PPP1R14C: variants seen among roughly 807,000 people sequenced by gnomAD.
PPP1R14C encodes the protein protein phosphatase 1 regulatory inhibitor subunit 14C, also known as protein phosphatase 1 regulatory subunit 14C.
A neutral mutation model predicts 20.4 loss-of-function variants in PPP1R14C; 16 were observed. That is an observed-to-expected ratio of 0.78 (90% confidence interval 0.53 to 1.19). PPP1R14C has a LOEUF of 1.19. Among genes scored for constraint, PPP1R14C ranks in the 50% most tolerant of loss-of-function variants. The pLI is 0.00. For synonymous variants in PPP1R14C, 91 were observed against 91.0 expected (o/e 1.00, Z 0.00); for missense variants, 211 against 220.1 (o/e 0.96, Z 0.26).
chr6:150,189,207 T>C, intron 1 of PPP1R14C, among the ~76,000 whole-genome samples: 1 of 143,602 alleles, frequency 7.0e-6, no homozygotes, highest in South Asian at 2.2e-4. Context: ...AATTCCTCCT[T>C]CTTGTAAGTT....
chr6:150,249,232 C>A lies in PPP1R14C; in HGVS notation c.*412C>A. On this transcript the variant is annotated 3_prime_UTR_variant, in exon 4 of 4. Transcript: ENST00000361131. ...TAAGTTGTACATTTGACTCAGCTGTCAAATTTCTCACACTTGTATATATCT... is the reference window on the plus strand; with the variant it reads ...TAAGTTGTACATTTGACTCAGCTGTAAAATTTCTCACACTTGTATATATCT... 1 of 398,960 alleles carries A rather than the reference C, an allele frequency of 2.5e-6. No homozygotes were observed. Among genetic ancestry groups the A allele is most frequent in the Admixed American group, 4.4e-5 (1 of 22,872 alleles). 24.7% of individuals were successfully genotyped at this position (398,960 alleles called of 1,614,324 possible).
rs955298209 is a variant in PPP1R14C, at chr6:150,185,083, C to T, written c.307-29661C>T. Among the ~76,000 whole-genome samples, 6 of 152,272 alleles carry T rather than the reference C, an allele frequency of 3.9e-5. No individual in the cohort carries two copies. The highest frequency in any genetic ancestry group is 2.0e-4 in the Admixed American group (3 of 15,304). ...ACAGGTCTTTCCCCCTTTTAATTTC[C>T]GGCTGTTATTAACTATCCTCTATTT... On this transcript the variant is annotated intron_variant, in intron 1 of 3. Transcript: ENST00000361131. The surrounding 1 kb of genome is among the most constrained non-coding windows in gnomAD (Gnocchi z 4.1).
At chr6:150,206,276 C>T (rs957756654) in intron 1 of PPP1R14C, among the ~76,000 whole-genome samples, 4 of 152,230 alleles carry the variant, frequency 2.6e-5, no homozygotes, top group Admixed American at 2.6e-4. Flanking sequence ...ATCTTTGCCA[C>T]TGTACGTATT....
intron 1 of PPP1R14C, among the ~76,000 whole-genome samples, chr6:150,174,733 G>A (rs564246816): frequency 1.4e-3 from 209 of 151,922 alleles, no homozygotes; most frequent in African/African-American, 4.6e-3. Flanking sequence ...GGGAGGTGGA[G>A]GTGGACGGAT....
intron 3 of PPP1R14C, among the ~76,000 whole-genome samples, chr6:150,236,313 T>G: frequency 6.6e-6 from 1 of 150,730 alleles, no homozygotes; most frequent in Non-Finnish European, 1.5e-5. Context: ...AGATACTCAG[T>G]ACCCGCGAGA....
chr6:150,204,658 A>G (rs1230167980), intron 1 of PPP1R14C, among the ~76,000 whole-genome samples: 1 of 152,130 alleles, frequency 6.6e-6, no homozygotes, highest in African/African-American at 2.4e-5. Flanking sequence ...CCCATTTTAC[A>G]GGTGTGGGAA....
chr6:150,151,859 G>A (rs888616774), intron 1 of PPP1R14C, among the ~76,000 whole-genome samples: 2 of 152,148 alleles, frequency 1.3e-5, no homozygotes, highest in Middle Eastern at 3.2e-3. Context: ...GGTGGCTCAC[G>A]CCTGTAATCC....
intron 1 of PPP1R14C, among the ~76,000 whole-genome samples, chr6:150,187,505 G>A (rs1283092971): frequency 4.6e-5 from 7 of 152,008 alleles, no homozygotes. Flanking sequence ...GTGTGTCCAT[G>A]TGTTCTCATC....
At position 150,234,848 on chromosome 6, in the gene PPP1R14C, C is replaced by CAAAAAAAA. The variant is rs56139981; in HGVS notation, c.424-13877_424-13870dup. 7.6e-4 allele frequency among the ~76,000 whole-genome samples: 32 copies of CAAAAAAAA among 41,836 alleles called. 1 individual carries two copies. The highest frequency in any genetic ancestry group is 2.9e-3 in the African/African-American group (28 of 9,714). The allele number at this position is 41,836 out of a possible 152,430, so 27.4% of individuals were successfully genotyped here. On this transcript the variant is annotated intron_variant, in intron 3 of 3. Transcript: ENST00000361131. ...TGGGCGACAAAGTGAGACTCTGTCT[C>CAAAAAAAA]AAAAAAAAAAAAAAAAAAAAAAAAA...
chr6:150,225,693 C>A (rs1349842480), intron 3 of PPP1R14C, among the ~76,000 whole-genome samples: 1 of 152,150 alleles, frequency 6.6e-6, no homozygotes, highest in African/African-American at 2.4e-5. Flanking sequence ...TAGATTGACA[C>A]CATTGTTGTC....
chr6:150,243,744 A>G (rs2114934221), intron 3 of PPP1R14C, among the ~76,000 whole-genome samples: 1 of 152,338 alleles, frequency 6.6e-6, no homozygotes, highest in South Asian at 2.1e-4. Flanking sequence ...AACTTTATTT[A>G]TAATAGCCCC....
rs1442074560 is a variant in PPP1R14C, at chr6:150,250,243, T to C, written c.*1423T>C. ...AACATATTTTATTTTTTAAAAAAAC[T>C]ATGTTTGTGAATTTTGCGTATACTG... On this transcript the variant is annotated 3_prime_UTR_variant, in exon 4 of 4. Transcript: ENST00000361131. 6.6e-6 allele frequency: 1 copy of C among 152,624 alleles called. No homozygotes were observed. The highest frequency in any genetic ancestry group is 1.5e-5 in the Non-Finnish European group (1 of 68,036). 9.5% of individuals were successfully genotyped at this position (152,624 alleles called of 1,614,324 possible).
chr6:150,175,106 A>G (rs6902063), intron 1 of PPP1R14C, among the ~76,000 whole-genome samples: 52,138 of 152,126 alleles, frequency 0.34, 9,030 homozygotes, highest in Middle Eastern at 0.48. Flanking sequence ...ACCAGAAACA[A>G]CAATAACAGT....
chr6:150,164,996 T>A (rs187946042), intron 1 of PPP1R14C, among the ~76,000 whole-genome samples: 1 of 152,340 alleles, frequency 6.6e-6, no homozygotes, highest in Non-Finnish European at 1.5e-5. Flanking sequence ...ACCAGGAAGC[T>A]GGCTCTCACC....
chr6:150,234,806 G>A (rs140306371), intron 3 of PPP1R14C, among the ~76,000 whole-genome samples: 1,621 of 126,956 alleles, frequency 0.013, 21 homozygotes, highest in South Asian at 0.025. Context: ...CTGAAATTGC[G>A]CCACTGAACT....
intron 3 of PPP1R14C, among the ~76,000 whole-genome samples, chr6:150,230,604 G>A (rs1025061337): frequency 3.9e-5 from 6 of 152,252 alleles, no homozygotes; most frequent in African/African-American, 1.2e-4. Context: ...GTGAGCATCC[G>A]CAGTTCTTCT....
At position 150,216,810 on chromosome 6, in the gene PPP1R14C, G is replaced by T. The variant is rs577396720; in HGVS notation, c.391-14G>T. 5.8e-6 allele frequency: 9 copies of T among 1,565,014 alleles called. No individual in the cohort carries two copies. The highest frequency in any genetic ancestry group is 5.5e-5 in the African/African-American group (4 of 73,160). ...TAAAATAATAAAACTGATTTTCTGT[G>T]TGTTTAATTCTAGGAAGCTCTTGTA... On this transcript the variant is annotated splice_polypyrimidine_tract_variant and intron_variant, in intron 2 of 3. Coordinates refer to ENST00000361131, the MANE Select transcript of PPP1R14C (RefSeq NM_030949.3).
chr6:150,224,924 G>A lies in PPP1R14C; in HGVS notation c.423+8068G>A, dbSNP rs561184351. Among the ~76,000 whole-genome samples the A allele has an allele frequency of 3.9e-5, 6 of 152,166 alleles. No homozygotes were observed. In the South Asian group the frequency reaches 1.0e-3, roughly 26 times the overall value. On this transcript the variant is annotated intron_variant, in intron 3 of 3. Transcript: ENST00000361131. The stretch of plus-strand genomic sequence containing the variant: ...GGAGAGGGGAAGCATCCATAGTCCT[G>A]TGATTAGTTCTCAGTCATATAGGGA...
At chr6:150,238,488 C>G (rs1582933879) in intron 3 of PPP1R14C, among the ~76,000 whole-genome samples, 1 of 152,370 alleles carries the variant, frequency 6.6e-6, no homozygotes, top group East Asian at 1.9e-4. Flanking sequence ...CCTCTCAGAG[C>G]TCTGGCTGCC....
Sources: allele counts gnomAD v4.1 joint callset (sites outside exome capture counted in the v4.1 genomes callset), GRCh38; gene constraint gnomAD v4.1.1; non-coding constraint Gnocchi (gnomAD v3.1); transcripts MANE v1.5; gene names NCBI Gene and HGNC (gene_info 2026-07-23, HGNC 2026-07-21).